The following MS4A18 variants were observed in gnomAD, a reference collection of about 807,000 sequenced individuals.
MS4A18 encodes membrane-spanning 4-domains subfamily A member 18.
In MS4A18, 27 loss-of-function variants were observed where a neutral mutation model predicts 13.1. The observed-to-expected ratio is 2.06, with a 90% CI of 1.52 to 2.84. The LOEUF is 2.84. MS4A18 is among the 30% of genes most tolerant of loss of function. The pLI is 0.00. For synonymous variants in MS4A18, 126 were observed against 76.5 expected (o/e 1.65, Z -3.38); for missense variants, 307 against 196.4 (o/e 1.56, Z -3.37).
chr11:60,741,303 G>T (rs370681235), intron 5 of MS4A18, among the ~76,000 whole-genome samples, 160 bp downstream of exon 6: 2 of 152,146 alleles, frequency 1.3e-5, no homozygotes, highest in Admixed American at 6.5e-5. Flanking sequence ...AGTGACTTCC[G>T]GTTATTTAGC....
At chr11:60,731,584 C>G (rs1453141263) in intron 1 of MS4A18, among the ~76,000 whole-genome samples, 1 of 152,186 alleles carries the variant, frequency 6.6e-6, no homozygotes, top group Non-Finnish European at 1.5e-5. Context: ...ACCTTGGAAG[C>G]AAGAGACATC....
intron 1 of MS4A18, among the ~76,000 whole-genome samples, chr11:60,731,842 G>A (rs1004130764): frequency 6.6e-6 from 1 of 152,118 alleles, no homozygotes; most frequent in Non-Finnish European, 1.5e-5. Context: ...TTTTCACAAT[G>A]AAAATCAGCC....
At chr11:60,731,560 G>C (rs985948979) in intron 1 of MS4A18, among the ~76,000 whole-genome samples, 15 of 152,264 alleles carry the variant, frequency 9.9e-5, no homozygotes, top group African/African-American at 3.6e-4. Flanking sequence ...CTTTCGCCTT[G>C]CTCTAGCATA....
At chr11:60,736,483 C>T (rs954372586) in intron 2 of MS4A18, among the ~76,000 whole-genome samples, 20 of 152,114 alleles carry the variant, frequency 1.3e-4, no homozygotes, top group Non-Finnish European at 2.6e-4. Context: ...CTAAAGAGGA[C>T]CCTCTAGCTG....
At chr11:60,732,688 G>A (rs558472322) in intron 1 of MS4A18, among the ~76,000 whole-genome samples, 19 of 140,260 alleles carry the variant, frequency 1.4e-4, no homozygotes, top group East Asian at 1.1e-3. Flanking sequence ...CCAAGATCAC[G>A]CCATTGCACT....
chr11:60,733,433 C>A, intron 1 of MS4A18, 101 bp from the exon 3 acceptor site: 1 of 689,326 alleles, frequency 1.5e-6, no homozygotes. Flanking sequence ...ACACCAATCA[C>A]CCCTGGGGTG....
intron 5 of MS4A18, among the ~76,000 whole-genome samples, chr11:60,742,724 T>C (rs1225216903): frequency 6.6e-6 from 1 of 152,230 alleles, no homozygotes; most frequent in African/African-American, 2.4e-5. Flanking sequence ...ACAATCTTGT[T>C]TTCTAACTCA....
rs563043202 is a variant in MS4A18, at chr11:60,741,476, C to T, written c.858+333C>T. On this transcript the variant is annotated intron_variant, in intron 5 of 5. Transcript: ENST00000529108. Reference sequence around the variant, plus strand: ...CCACATGTTATCTCATCCTCCAGTACGCCCACCTGAGCTTCTTTGTGGGGA... The same window carrying T: ...CCACATGTTATCTCATCCTCCAGTATGCCCACCTGAGCTTCTTTGTGGGGA... Among the ~76,000 whole-genome samples, 20 of 152,208 alleles carry T rather than the reference C, an allele frequency of 1.3e-4. 1 individual carries two copies. In the South Asian group the frequency reaches 2.7e-3, roughly 21 times the overall value.
chr11:60,741,253 T>C (rs1853411132), intron 5 of MS4A18, 110 bp downstream of exon 6: 6 of 687,014 alleles, frequency 8.7e-6, no homozygotes, highest in Admixed American at 4.1e-5. Flanking sequence ...AGAGGGTGTA[T>C]CAGTTAAGTT....
At chr11:60,743,040 C>G (rs187801059) in intron 5 of MS4A18, among the ~76,000 whole-genome samples, 2 of 152,224 alleles carry the variant, frequency 1.3e-5, no homozygotes, top group African/African-American at 2.4e-5. Context: ...ACTTTTCCAG[C>G]CTTTGCTAAA....
chr11:60,725,498 A>T (rs1853141669), upstream of MS4A18, among the ~76,000 whole-genome samples: 1 of 151,994 alleles, frequency 6.6e-6, no homozygotes, highest in Non-Finnish European at 1.5e-5. Context: ...TGTTCCTGAC[A>T]TTTTCCTGAC....
chr11:60,738,832 G>A (rs1853378252), intron 3 of MS4A18, 70 bp from the exon 5 acceptor site: 1 of 686,220 alleles, frequency 1.5e-6, no homozygotes, highest in Non-Finnish European at 2.7e-6. Flanking sequence ...GACTTCCCAA[G>A]AGTCCCCACA....
upstream of MS4A18, among the ~76,000 whole-genome samples, chr11:60,728,421 T>A (rs565467282): frequency 1.7e-4 from 26 of 151,934 alleles, no homozygotes; most frequent in African/African-American, 6.3e-4. Context: ...TGTGTGTGTG[T>A]GTGTGTGTGT....
chr11:60,732,257 C>A (rs1478834032), intron 1 of MS4A18, among the ~76,000 whole-genome samples: 1 of 151,994 alleles, frequency 6.6e-6, no homozygotes, highest in African/African-American at 2.4e-5. Context: ...AGATTTCAGA[C>A]AGTGGCAACA....
intron 3 of MS4A18, 92 bp downstream of exon 4, chr11:60,737,126 G>GCCTGGC (rs768072826): frequency 3.0e-5 from 21 of 694,488 alleles, no homozygotes; most frequent in Admixed American, 6.3e-5. Context: ...TAGTGGTGTG[G>GCCTGGC]CCTGGCCCTG....
At chr11:60,742,297 C>A (rs114103307) in intron 5 of MS4A18, among the ~76,000 whole-genome samples, 1 of 152,200 alleles carries the variant, frequency 6.6e-6, no homozygotes, top group Non-Finnish European at 1.5e-5. Context: ...TCTCAATCTG[C>A]TTCCCATATT....
intron 5 of MS4A18, among the ~76,000 whole-genome samples, chr11:60,743,308 G>A (rs1044619098): frequency 1.3e-5 from 2 of 152,246 alleles, no homozygotes; most frequent in Non-Finnish European, 2.9e-5. Flanking sequence ...TTGCCTGGTG[G>A]CTGGATAGTA....
intron 5 of MS4A18, 74 bp downstream of exon 6, chr11:60,741,217 A>G (rs117669735): frequency 0.02 from 13,905 of 700,434 alleles, 172 homozygotes; most frequent in Non-Finnish European, 0.024. Flanking sequence ...AGAGGTAACC[A>G]GAGATCTGGA....
At chr11:60,735,654 T>C (rs1590963749) in intron 2 of MS4A18, among the ~76,000 whole-genome samples, 1 of 141,254 alleles carries the variant, frequency 7.1e-6, no homozygotes, top group African/African-American at 2.7e-5. Flanking sequence ...TGTTTTTCAT[T>C]CCCTTGCTTT....
Sources: gnomAD v4.1 joint callset for allele counts (sites outside exome capture counted in the v4.1 genomes callset) on GRCh38, gnomAD v4.1.1 for gene constraint, MANE v1.5 for transcripts, NCBI Gene and HGNC (gene_info 2026-07-23, HGNC 2026-07-21) for gene names.